OCA2: variants seen among roughly 807,000 people sequenced by gnomAD.
OCA2 encodes OCA2 melanosomal transmembrane protein.
Under a neutral mutation model 100.2 loss-of-function variants are expected in OCA2, and 77 were observed. The observed-to-expected ratio is 0.77, with a 90% confidence interval of 0.64 to 0.93. OCA2 has a LOEUF of 0.93. Among genes scored for constraint, OCA2 ranks in the 40% least tolerant of loss-of-function variants. OCA2 has a pLI of 0.00. For missense variants in OCA2, 1,062 were observed against 1,089.1 expected (o/e 0.98, Z 0.35); for synonymous variants, 432 against 439.2 (o/e 0.98, Z 0.21).
chr15:27,805,540 CCG>C (rs2033800794), intron 23 of OCA2, among the ~76,000 whole-genome samples: 1 of 152,194 alleles, frequency 6.6e-6, no homozygotes, highest in African/African-American at 2.4e-5. Context: ...GCGCATGGAG[CCG>C]CTCGCCCAGG....
In OCA2 at chr15:27,957,580, C is replaced by T; in HGVS notation, c.1784+8G>A. On this transcript the variant is annotated splice_region_variant and intron_variant, in intron 16 of 23. Coordinates refer to ENST00000354638, the MANE Select transcript of OCA2 (RefSeq NM_000275.3). The surrounding 1 kb of genome is among the most constrained non-coding windows in gnomAD (Gnocchi z 4.3). ...CAAGCACAGTCTGAGCAGGACCCCG[C>T]CCGGTACCTGTGGAAGGTGTGCAGC... 6.2e-7 allele frequency: 1 copy of T among 1,612,142 alleles called. No homozygotes were observed.
intron 23 of OCA2, among the ~76,000 whole-genome samples, chr15:27,772,890 G>A (rs145562545): frequency 4.0e-4 from 60 of 151,016 alleles, no homozygotes; most frequent in African/African-American, 1.4e-3. Flanking sequence ...ATATGTCTAA[G>A]AATTCAATGC....
Position 27,913,895 on chromosome 15 carries a change from GCAAGCAAGCAAGCAAGCAA to G in OCA2, c.2079+12213_2079+12231del, listed in dbSNP as rs1567098581. 3.6e-3 allele frequency among the ~76,000 whole-genome samples: 139 copies of G among 39,012 alleles called. 19 individuals carry two copies. The highest frequency in any genetic ancestry group is 0.017 in the East Asian group (20 of 1,188). The allele number at this position is 39,012 out of a possible 152,430, so 25.6% of individuals were successfully genotyped here. ...AGAAAGAAAGAAAGAAAGAAAGAAA[GCAAGCAAGCAAGCAAGCAA>G]GCAAGCAAGCAAGCAAGAAAGAAAG... On this transcript the variant is annotated intron_variant, in intron 19 of 23. Transcript: ENST00000354638.
intron 23 of OCA2, among the ~76,000 whole-genome samples, chr15:27,814,529 G>C (rs568412597): frequency 1.3e-5 from 2 of 152,172 alleles, no homozygotes; most frequent in Non-Finnish European, 2.9e-5. Context: ...GTTTGGTTCA[G>C]TCAATCTTTA....
chr15:27,910,972 G>A (rs1003643935), intron 19 of OCA2, among the ~76,000 whole-genome samples: 7 of 150,620 alleles, frequency 4.6e-5, no homozygotes, highest in African/African-American at 9.8e-5. Flanking sequence ...AAGAAAGAAA[G>A]AAAAAAAAGA....
In OCA2 at chr15:27,966,837, G is replaced by A. The variant is rs777281228; in HGVS notation, c.1504-15C>T. On this transcript the variant is annotated splice_polypyrimidine_tract_variant and intron_variant, in intron 14 of 23. Transcript: ENST00000354638. ...AAGTCCAGGCCCTGGAAATAAACAA[G>A]GGGAAATGAAATGGCAGCCCAGGCA... is the stretch of plus-strand genomic sequence containing the variant. 17 of 1,604,638 alleles carry A rather than the reference G, an allele frequency of 1.1e-5. No individual in the cohort carries two copies. The highest frequency in any genetic ancestry group is 1.3e-5 in the African/African-American group (1 of 74,672).
At chr15:27,865,932 G>A (rs570329259) in intron 21 of OCA2, among the ~76,000 whole-genome samples, 39 of 152,298 alleles carry the variant, frequency 2.6e-4, no homozygotes, top group African/African-American at 9.4e-4. Context: ...CCCAGTCAAA[G>A]GGGCCCCTCT....
intron 11 of OCA2, among the ~76,000 whole-genome samples, chr15:27,988,750 T>C (rs780554792): frequency 6.6e-6 from 1 of 152,230 alleles, no homozygotes; most frequent in African/African-American, 2.4e-5. Flanking sequence ...TCTATCCAGA[T>C]GCCCAAACTC....
At chr15:28,094,130 G>A (rs2044923149) in intron 1 of OCA2, among the ~76,000 whole-genome samples, 2 of 152,216 alleles carry the variant, frequency 1.3e-5, no homozygotes, top group South Asian at 4.1e-4. Context: ...TCCCTTAGGG[G>A]ACCCCAACAC....
chr15:27,897,398 G>A (rs2037750111), intron 19 of OCA2, among the ~76,000 whole-genome samples: 1 of 152,074 alleles, frequency 6.6e-6, no homozygotes, highest in South Asian at 2.1e-4. Context: ...GCAGCCCAGG[G>A]ACTTGGTGCC....
chr15:27,829,096 G>A (rs1314805087), intron 23 of OCA2, among the ~76,000 whole-genome samples: 1 of 152,154 alleles, frequency 6.6e-6, no homozygotes, highest in African/African-American at 2.4e-5. Context: ...GGATGTGAAC[G>A]GACAGCTTCC....
chr15:27,936,736 T>C (rs2039466759), intron 18 of OCA2, among the ~76,000 whole-genome samples: 1 of 152,094 alleles, frequency 6.6e-6, no homozygotes, highest in South Asian at 2.1e-4. Context: ...CTCTCCCTCC[T>C]AGACCCAGAA....
At chr15:28,086,203 C>G (rs2044773320) in intron 1 of OCA2, among the ~76,000 whole-genome samples, 4 of 152,236 alleles carry the variant, frequency 2.6e-5, no homozygotes, top group Admixed American at 2.6e-4. Context: ...CCTCTCCTTC[C>G]TTGCTGACAG....
chr15:27,943,876 A>G (rs909921358), intron 18 of OCA2, among the ~76,000 whole-genome samples: 1 of 151,970 alleles, frequency 6.6e-6, no homozygotes, highest in Non-Finnish European at 1.5e-5. Flanking sequence ...CCAATACACA[A>G]CTTACATGTA....
chr15:27,733,679 G>A, the OCA2 span, among the ~76,000 whole-genome samples: 5 of 152,076 alleles, frequency 3.3e-5, no homozygotes, highest in African/African-American at 4.8e-5. Flanking sequence ...CTAAAGCTGC[G>A]TGATATGCAG....
intron 23 of OCA2, among the ~76,000 whole-genome samples, chr15:27,829,382 T>C (rs1327354262): frequency 3.9e-5 from 6 of 152,200 alleles, no homozygotes; most frequent in Non-Finnish European, 8.8e-5. Context: ...CCTAAGGACC[T>C]GGTGGGAGTC....
At chr15:28,082,308 C>A (rs1021507753) in intron 1 of OCA2, among the ~76,000 whole-genome samples, 1 of 152,192 alleles carries the variant, frequency 6.6e-6, no homozygotes, top group African/African-American at 2.4e-5. Context: ...ACGCTGGACT[C>A]CCCTACTAAT....
intron 3 of OCA2, among the ~76,000 whole-genome samples, chr15:28,031,776 C>T (rs1481626138): frequency 6.6e-6 from 1 of 152,164 alleles, no homozygotes; most frequent in Non-Finnish European, 1.5e-5. Flanking sequence ...CAACCTCACC[C>T]CTAGCTGAGA....
intron 18 of OCA2, among the ~76,000 whole-genome samples, chr15:27,942,194 T>C (rs1378022129): frequency 1.3e-5 from 2 of 148,714 alleles, no homozygotes; most frequent in African/African-American, 2.5e-5. Flanking sequence ...TTGTGATACA[T>C]ATTATATATT....
Sources: allele counts gnomAD v4.1 joint callset (sites outside exome capture counted in the v4.1 genomes callset), GRCh38; gene constraint gnomAD v4.1.1; non-coding constraint Gnocchi (gnomAD v3.1); transcripts MANE v1.5; gene names NCBI Gene and HGNC (gene_info 2026-07-23, HGNC 2026-07-21).